SLC8A1: variants seen among roughly 807,000 people sequenced by gnomAD.
SLC8A1 encodes the protein sodium/calcium exchanger 1.
In SLC8A1, 18 loss-of-function variants were observed where a neutral mutation model predicts 68.3. That is an observed-to-expected ratio of 0.26 (90% CI 0.18 to 0.39). The LOEUF (loss-of-function observed/expected upper bound fraction) is 0.39. Ranked by LOEUF, SLC8A1 falls within the 10% of genes least tolerant of loss-of-function variation. The pLI, the probability that SLC8A1 is intolerant of heterozygous loss-of-function variation, is 1.00. For missense variants in SLC8A1, 985 were observed against 1,156.7 expected, an observed-to-expected ratio of 0.85 and a Z score of 2.15; for synonymous variants, 475 against 415.5, an observed-to-expected ratio of 1.14 and a Z score of -1.74.
chr2:40,169,137 AGTGTAAGAG>A (rs1390030493), intron 4 of SLC8A1, among the ~76,000 whole-genome samples: 2 of 152,236 alleles, frequency 1.3e-5, no homozygotes, highest in Non-Finnish European at 2.9e-5. Flanking sequence ...AAGCAGAGTC[AGTGTAAGAG>A]GTGAAGTGCT....
In SLC8A1 at chr2:40,389,496, T is replaced by C. The variant is rs543762387; in HGVS notation, c.1808+38977A>G. Among the ~76,000 whole-genome samples, 9 of 152,218 alleles carry C rather than the reference T, an allele frequency of 5.9e-5. No homozygotes were observed. In the East Asian group the frequency reaches 1.7e-3, roughly 30 times the overall value. On this transcript the variant is annotated intron_variant, in intron 2 of 7. Coordinates refer to ENST00000406785, the Ensembl canonical transcript of SLC8A1. The stretch of plus-strand genomic sequence containing the variant: ...AATTCTAAGTTTTAGCAAATAAAAT[T>C]GCTACACTGAGACAAAATGTGGTTA...
chr2:40,387,277 T>G (rs1575960718), intron 2 of SLC8A1, among the ~76,000 whole-genome samples: 1 of 151,424 alleles, frequency 6.6e-6, no homozygotes, highest in Non-Finnish European at 1.5e-5. Context: ...ATGCTGCAAG[T>G]ATAGATCACC....
intron 1 of SLC8A1, among the ~76,000 whole-genome samples, chr2:40,463,885 C>CAT (rs1436049342): frequency 4.4e-4 from 56 of 126,300 alleles, no homozygotes; most frequent in East Asian, 2.2e-3. Flanking sequence ...CACACACACA[C>CAT]ACATATATAT....
chr2:40,233,287 C>T (rs1306518058), intron 2 of SLC8A1, among the ~76,000 whole-genome samples: 1 of 152,230 alleles, frequency 6.6e-6, no homozygotes, highest in Non-Finnish European at 1.5e-5. Context: ...TAATGATCAC[C>T]ATTCTAACTG....
chr2:40,383,810 T>C (rs1045067660), intron 2 of SLC8A1, among the ~76,000 whole-genome samples: 2 of 152,112 alleles, frequency 1.3e-5, no homozygotes, highest in African/African-American at 4.8e-5. Context: ...ATACGTGTGA[T>C]AGGGAAATTG....
chr2:40,386,321 A>AG (rs1683527842), intron 2 of SLC8A1, among the ~76,000 whole-genome samples: 1 of 150,626 alleles, frequency 6.6e-6, no homozygotes, highest in South Asian at 2.1e-4. Context: ...CAAATGGTAA[A>AG]TGTGTGTGTG....
intron 2 of SLC8A1, among the ~76,000 whole-genome samples, chr2:40,186,594 T>C (rs2148621031): frequency 6.6e-6 from 1 of 152,352 alleles, no homozygotes; most frequent in Middle Eastern, 3.4e-3. Flanking sequence ...ATTTTGGGCA[T>C]GGATTCATTT....
rs2038381836 is a variant in SLC8A1, at chr2:40,127,485, C to G, written c.2438-11856G>C. Among the ~76,000 whole-genome samples, 6 of 152,312 alleles carry G rather than the reference C, an allele frequency of 3.9e-5. No individual in the cohort carries two copies. The South Asian group carries it at 1.0e-3, about 26-fold the overall frequency. On this transcript the variant is annotated intron_variant, in intron 7 of 7. Coordinates refer to ENST00000406785, the Ensembl canonical transcript of SLC8A1. ...ATATTTCACCCATCTGAAGGCTCAT[C>G]ATACACAGAATCCTTCACAGAAGGA...
chr2:40,425,516 C>T (rs1251681335), intron 2 of SLC8A1, among the ~76,000 whole-genome samples: 13 of 151,826 alleles, frequency 8.6e-5, no homozygotes, highest in Middle Eastern at 3.4e-3. Flanking sequence ...CTTTATGGTG[C>T]TCTGGAAAGA....
At chr2:40,330,684 T>C (rs2076320410) in intron 2 of SLC8A1, among the ~76,000 whole-genome samples, 1 of 152,162 alleles carries the variant, frequency 6.6e-6, no homozygotes, top group Admixed American at 6.5e-5. Context: ...CAAAGGTAAA[T>C]GTGGAAATTC....
intron 2 of SLC8A1, among the ~76,000 whole-genome samples, chr2:40,281,954 G>T (rs1445614601): frequency 2.0e-5 from 3 of 152,116 alleles, no homozygotes; most frequent in Non-Finnish European, 4.4e-5. Context: ...CTCAAAGTTG[G>T]TAGTTCACAG....
At chr2:40,163,459 A>G (rs1389688798) in intron 5 of SLC8A1, among the ~76,000 whole-genome samples, 1 of 152,182 alleles carries the variant, frequency 6.6e-6, no homozygotes, top group Non-Finnish European at 1.5e-5. Context: ...TCTGATTCCA[A>G]ATGAAAAGAG....
intron 7 of SLC8A1, among the ~76,000 whole-genome samples, chr2:40,135,466 G>C (rs2040321811): frequency 6.6e-6 from 1 of 152,068 alleles, no homozygotes; most frequent in East Asian, 1.9e-4. Context: ...CCAGCACTTT[G>C]GGGGCGGCAG....
chr2:40,447,064 C>T (rs1434879529), intron 1 of SLC8A1, among the ~76,000 whole-genome samples: 1 of 152,152 alleles, frequency 6.6e-6, no homozygotes, highest in Non-Finnish European at 1.5e-5. Context: ...ATGATATCAA[C>T]AAAGTAATTA....
intron 2 of SLC8A1, among the ~76,000 whole-genome samples, chr2:40,377,651 A>G (rs886286261): frequency 1.3e-5 from 2 of 152,104 alleles, no homozygotes; most frequent in Non-Finnish European, 2.9e-5. Flanking sequence ...CACCATAGAT[A>G]ATAAAAAACT....
At chr2:40,394,379 C>A (rs1486149565) in intron 2 of SLC8A1, among the ~76,000 whole-genome samples, 1 of 151,930 alleles carries the variant, frequency 6.6e-6, no homozygotes, top group Admixed American at 6.6e-5. Flanking sequence ...TTCATCAGGG[C>A]ACTGAAATTT....
chr2:40,154,480 TTTTC>T (rs374845134), intron 6 of SLC8A1, among the ~76,000 whole-genome samples: 44,235 of 88,540 alleles, frequency 0.5, 8,357 homozygotes, highest in Middle Eastern at 0.62. Context: ...ATTTTTTTTC[TTTTC>T]TTTTTTTTTT....
At chr2:40,302,633 CT>C (rs2071741212) in intron 2 of SLC8A1, among the ~76,000 whole-genome samples, 1 of 151,014 alleles carries the variant, frequency 6.6e-6, no homozygotes, top group Non-Finnish European at 1.5e-5. Flanking sequence ...TCTTTATGCA[CT>C]TGTTGACTGA....
At chr2:40,271,163 C>A (rs997596275) in intron 2 of SLC8A1, among the ~76,000 whole-genome samples, 1 of 110,310 alleles carries the variant, frequency 9.1e-6, no homozygotes, top group Non-Finnish European at 1.7e-5. Flanking sequence ...TAGAACAAGA[C>A]CCCCAAGCCC....
Sources: allele counts gnomAD v4.1 joint callset (sites outside exome capture counted in the v4.1 genomes callset), GRCh38; gene constraint gnomAD v4.1.1; transcripts MANE v1.5; gene names NCBI Gene and HGNC (gene_info 2026-07-23, HGNC 2026-07-21).